ITGAL: variants seen among roughly 807,000 people sequenced by gnomAD.
ITGAL encodes integrin alpha-L.
In ITGAL, 68 loss-of-function variants were observed where a neutral mutation model predicts 138.4. The observed-to-expected ratio is 0.49, with a 90% CI of 0.40 to 0.60. The LOEUF (loss-of-function observed/expected upper bound fraction) is 0.60, where lower values mean the gene tolerates loss of function less well. Among genes scored for constraint, ITGAL ranks in the 20% least tolerant of loss-of-function variants. The pLI, the probability that ITGAL is intolerant of heterozygous loss-of-function variation, is 0.00. For missense variants in ITGAL, 1,256 were observed against 1,478.6 expected (o/e 0.85, Z 2.47); for synonymous variants, 561 against 584.3 (o/e 0.96, Z 0.57).
Position 30,481,489 on chromosome 16 carries a change from A to G in ITGAL, c.627A>G (p.Ser209=). The change falls in exon 7 of 31, where the codon TCA becomes TCG. Residue 209 remains serine, a synonymous_variant. Transcript: ENST00000356798. The part of the protein sequence containing the change: ...STSYKTEFDF[S]DYVKRKDPDA... ...GCTACAAAACAGAATTTGATTTCTC[A>G]GATTATGTTAAACGGAAGGACCCTG... is the stretch of plus-strand genomic sequence containing the variant. The G allele has an allele frequency of 1.2e-6, 2 of 1,613,030 alleles. 1 individual carries two copies. Among genetic ancestry groups the G allele is most frequent in the Middle Eastern group, 3.3e-4 (2 of 6,062 alleles).
intron 1 of ITGAL, 35 bp from the exon 2 acceptor site, chr16:30,474,161 C>T: frequency 6.7e-7 from 1 of 1,491,544 alleles, no homozygotes; most frequent in Non-Finnish European, 9.2e-7. Context: ...GGCGGGGGTC[C>T]CTCGGTCGCA....
chr16:30,520,480 C>A (rs1321089592), intron 30 of ITGAL, among the ~76,000 whole-genome samples: 1 of 152,082 alleles, frequency 6.6e-6, no homozygotes, highest in East Asian at 1.9e-4. Context: ...GTCATTCAGC[C>A]CATCCCTGGC....
chr16:30,478,821 G>A (rs2050511687), intron 4 of ITGAL, among the ~76,000 whole-genome samples: 1 of 152,074 alleles, frequency 6.6e-6, no homozygotes, highest in South Asian at 2.1e-4. Flanking sequence ...CTGGAAATGT[G>A]GGGTCGTGCC....
chr16:30,484,280 G>T lies in ITGAL; in HGVS notation c.1006+17G>T, dbSNP rs370949720. On this transcript the variant is annotated intron_variant, in intron 9 of 30. Transcript: ENST00000356798. ...TCATTGAGGGTGAGTGGCAGGCCCT[G>T]GGAGAGGGCTCGGGAGTCTGCATAA... 2 of 1,608,574 alleles carry T rather than the reference G, an allele frequency of 1.2e-6. No homozygotes were observed. Among genetic ancestry groups the T allele is most frequent in the African/African-American group, 2.7e-5 (2 of 74,808 alleles).
In ITGAL at chr16:30,484,085, C is replaced by T; in HGVS notation, c.856-28C>T. On this transcript the variant is annotated intron_variant, in intron 8 of 30. Coordinates refer to ENST00000356798, the MANE Select transcript of ITGAL (RefSeq NM_002209.3). ...AACTGGACTGAGGTTTGGGGGATTT[C>T]AGCTCTTCACTCTCCACTCCCTCAC... The T allele has an allele frequency of 1.9e-6, 3 of 1,605,592 alleles. 1 individual carries two copies. In the South Asian group the frequency reaches 3.3e-5, roughly 18 times the overall value.
intron 18 of ITGAL, 100 bp from the exon 19 acceptor site, chr16:30,505,144 C>T (rs1355253742): frequency 1.7e-6 from 2 of 1,201,512 alleles, no homozygotes; most frequent in South Asian, 1.9e-5. Flanking sequence ...CACAGCCAGC[C>T]CAGTTGAGCT....
Position 30,496,127 on chromosome 16 carries a change from G to A in ITGAL, c.1534G>A (p.Gly512Arg). ...LGFEEVSELQ[G>R]DPGYPLGRFG... ...GTTTGAAGAAGTCTCAGAGCTGCAG[G>A]GGGACCCCGGCTACCCACTCGGGCG... Residue 512 changes from glycine (G) to arginine (R), a missense_variant, in exon 14 of 31, where the codon GGG becomes AGG. By Grantham distance (125) the Gly-to-Arg change is moderately radical. Around this residue, in one of 3 missense-constraint regions of ITGAL, gnomAD observed 867 missense variants for 972.5 expected, o/e 0.89. Transcript: ENST00000356798. The A allele has an allele frequency of 1.2e-6, 2 of 1,613,960 alleles. No homozygotes were observed. The highest frequency in any genetic ancestry group is 1.7e-6 in the Non-Finnish European group (2 of 1,180,004).
chr16:30,499,529 G>T, intron 17 of ITGAL, 40 bp downstream of exon 17: 1 of 1,601,802 alleles, frequency 6.2e-7, no homozygotes, highest in Non-Finnish European at 8.5e-7. Flanking sequence ...TGAGCTACCT[G>T]CAGGGGCAGG....
intron 17 of ITGAL, among the ~76,000 whole-genome samples, chr16:30,500,381 C>T (rs1164534239): frequency 2.0e-5 from 3 of 151,626 alleles, no homozygotes; most frequent in East Asian, 1.9e-4. Context: ...CCACTGCCCC[C>T]GGCCATATTT....
Position 30,489,334 on chromosome 16 carries a change from C to G in ITGAL, c.1161C>G (p.Asp387Glu). The part of the protein sequence containing the change: ...FLDLKADLQD[D>E]TFIGNEPLTP... ...ACCTGAAGGCAGACCTGCAGGATGA[C>G]ACATTTATTGGGAATGAACCATTGA... Residue 387 changes from aspartate to glutamate, a missense_variant, in exon 11 of 31, where the codon GAC becomes GAG. Around this residue, in one of 3 missense-constraint regions of ITGAL, gnomAD observed 177 missense variants for 288.8 expected, o/e 0.61. Transcript: ENST00000356798. 6.2e-7 allele frequency: 1 copy of G among 1,614,050 alleles called. No homozygotes were observed. Among genetic ancestry groups the G allele is most frequent in the Non-Finnish European group, 8.5e-7 (1 of 1,179,950 alleles).
chr16:30,493,541 G>C (rs1190118194), intron 11 of ITGAL, among the ~76,000 whole-genome samples: 1 of 152,038 alleles, frequency 6.6e-6, no homozygotes, highest in Non-Finnish European at 1.5e-5. Flanking sequence ...CTCCCAAAGC[G>C]CTGGGATTAC....
rs2050804177 is a variant in ITGAL at position 30,496,583 on chromosome 16, A to C, written c.1832+17A>C. ...CGTGCTGAGGTGAGATGGGTCTCCC[A>C]GGTCACACCTGATGACCCCAGCTCT... On this transcript the variant is annotated intron_variant, in intron 15 of 30. Transcript: ENST00000356798. The C allele has an allele frequency of 6.2e-7, 1 of 1,603,094 alleles. No homozygotes were observed. The highest frequency in any genetic ancestry group is 1.3e-5 in the African/African-American group (1 of 74,408).
In ITGAL at chr16:30,483,928, C is replaced by T. The variant is rs147749266; in HGVS notation, c.824C>T (p.Ala275Val). ...GEATDSGNIDAAKDIIRYIIG... is the reference protein window; with the variant it reads ...GEATDSGNIDVAKDIIRYIIG... ...GCCACTGACAGTGGCAACATCGATGCGGCCAAAGACATCATCCGCTACATC... is the reference window on the plus strand; with the variant it reads ...GCCACTGACAGTGGCAACATCGATGTGGCCAAAGACATCATCCGCTACATC... Residue 275 changes from alanine (A) to valine (V), a missense_variant, in exon 8 of 31, where the codon GCG becomes GTG. Coordinates refer to ENST00000356798, the MANE Select transcript of ITGAL (RefSeq NM_002209.3). 73 of 1,613,680 alleles carry T rather than the reference C, an allele frequency of 4.5e-5. 1 individual carries two copies. The highest frequency in any genetic ancestry group is 6.7e-5 in the East Asian group (3 of 44,872).
rs758570245 is a variant in ITGAL at position 30,484,214 on chromosome 16, G to A, written c.957G>A (p.Lys319=). 8 of 1,614,120 alleles carry A rather than the reference G, an allele frequency of 5.0e-6. No individual in the cohort carries two copies. The highest frequency in any genetic ancestry group is 6.8e-6 in the Non-Finnish European group (8 of 1,180,030). The change falls in exon 9 of 31, where the codon AAG becomes AAA. Residue 319 remains lysine (K), a synonymous_variant. Coordinates refer to ENST00000356798, the MANE Select transcript of ITGAL (RefSeq NM_002209.3). ...EFVKILDTFE[K]LKDLFTELQK... ...TGAAAATTCTGGACACATTTGAGAA[G>A]CTGAAAGATCTATTCACTGAGCTGC... is the stretch of plus-strand genomic sequence containing the variant.
chr16:30,475,813 T>C (rs1212484309), intron 4 of ITGAL, among the ~76,000 whole-genome samples: 4 of 141,442 alleles, frequency 2.8e-5, no homozygotes, highest in African/African-American at 8.1e-5. Flanking sequence ...TGCAGTGGCG[T>C]GATCACAGCT....
chr16:30,515,263 T>G (rs985915224), intron 25 of ITGAL, among the ~76,000 whole-genome samples: 1 of 152,238 alleles, frequency 6.6e-6, no homozygotes, highest in African/African-American at 2.4e-5. Context: ...TCCTTCCTCC[T>G]GCTTTGTCCC....
chr16:30,483,449 G>T (rs926297398), intron 7 of ITGAL, among the ~76,000 whole-genome samples: 7 of 152,182 alleles, frequency 4.6e-5, no homozygotes, highest in African/African-American at 1.7e-4. Flanking sequence ...GTTTTCTTCA[G>T]CTGTAGGACC....
chr16:30,518,604 G>T lies in ITGAL; in HGVS notation c.3133-20G>T. On this transcript the variant is annotated intron_variant, in intron 28 of 30. Transcript: ENST00000356798. The stretch of plus-strand genomic sequence containing the variant: ...TGTCCTCGTTCTCCCGGGTTCTGAC[G>T]CCTTTCCCCGCTCCCACAGGCCTCT... The T allele has an allele frequency of 1.9e-6, 3 of 1,575,544 alleles. No individual in the cohort carries two copies. The highest frequency in any genetic ancestry group is 2.2e-5 in the South Asian group (2 of 90,350).
At chr16:30,496,652 T>C (rs933690833) in intron 15 of ITGAL, 86 bp downstream of exon 15, 8 of 1,276,656 alleles carry the variant, frequency 6.3e-6, no homozygotes, top group Admixed American at 3.4e-5. Context: ...TTATTTTGGT[T>C]TTTTTTAGAG....
Sources: gnomAD v4.1 joint callset for allele counts (sites outside exome capture counted in the v4.1 genomes callset) on GRCh38, gnomAD v4.1.1 for gene constraint, gnomAD v4.1.1 regional missense constraint, MANE v1.5 for transcripts, NCBI Gene and HGNC (gene_info 2026-07-23, HGNC 2026-07-21) for gene names.